The following SND1 variants were observed in gnomAD, a reference collection of about 807,000 sequenced individuals.
SND1 encodes the protein staphylococcal nuclease and tudor domain containing 1.
A neutral mutation model predicts 121.7 loss-of-function variants in SND1; 38 were observed. That is an observed-to-expected ratio of 0.31 (90% confidence interval 0.24 to 0.41). The LOEUF is 0.41. Among genes scored for constraint, SND1 ranks in the 10% least tolerant of loss-of-function variants. The probability of loss-of-function intolerance (pLI) is 1.00; values close to 1 mark genes in which losing one functional copy is unlikely to be tolerated. For synonymous variants in SND1, 401 were observed against 447.4 expected, an observed-to-expected ratio of 0.90 and a Z score of 1.31; for missense variants, 868 against 1,184.6, an observed-to-expected ratio of 0.73 and a Z score of 3.92.
chr7:127,911,534 T>C (rs1463892052), intron 14 of SND1, among the ~76,000 whole-genome samples: 1 of 151,936 alleles, frequency 6.6e-6, no homozygotes, highest in Non-Finnish European at 1.5e-5. Flanking sequence ...CTTTCTCTCT[T>C]TTGTTGAGAT....
At position 127,652,368 on chromosome 7, in the gene SND1, C is replaced by G. The variant is rs1795136185; in HGVS notation, c.-6C>G. On this transcript the variant is annotated 5_prime_UTR_variant, in exon 1 of 24. Coordinates refer to ENST00000354725, the MANE Select transcript of SND1 (RefSeq NM_014390.4). The stretch of plus-strand genomic sequence containing the variant: ...CGCTCCACTCGTTGCCTTTGCATCT[C>G]CACACATGGCGTCCTCCGCGCAGAG... 1.3e-6 allele frequency: 2 copies of G among 1,594,090 alleles called. No individual in the cohort carries two copies. The highest frequency in any genetic ancestry group is 1.8e-5 in the Admixed American group (1 of 56,594).
At chr7:127,733,082 A>G (rs1284831621) in intron 10 of SND1, among the ~76,000 whole-genome samples, 2 of 151,038 alleles carry the variant, frequency 1.3e-5, no homozygotes, top group African/African-American at 4.9e-5. Context: ...TCCATCTTTA[A>G]CTTTCTCTCT....
intron 10 of SND1, among the ~76,000 whole-genome samples, chr7:127,792,881 A>C (rs1359969339): frequency 6.6e-6 from 1 of 152,238 alleles, no homozygotes; most frequent in African/African-American, 2.4e-5. Flanking sequence ...AGCCACTGGC[A>C]GGAATAGGAA....
In SND1 at chr7:128,084,830, A is replaced by G. The variant is rs1408313163; in HGVS notation, c.2217A>G (p.Lys739=). The G allele has an allele frequency of 2.5e-6, 4 of 1,599,040 alleles. No homozygotes were observed. Among genetic ancestry groups the G allele is most frequent in the Non-Finnish European group, 3.4e-6 (4 of 1,169,734 alleles). Residue 739 remains lysine, a synonymous_variant, in exon 19 of 24, where the codon AAA becomes AAG. Coordinates refer to ENST00000354725, the MANE Select transcript of SND1 (RefSeq NM_014390.4). Reference sequence around the variant, plus strand: ...GCAGGGGAGAGTTCTGCATTGCCAAATTTGTAGATGGAGAATGGTAAGCCA... The same window carrying G: ...GCAGGGGAGAGTTCTGCATTGCCAAGTTTGTAGATGGAGAATGGTAAGCCA... ...APRRGEFCIA[K]FVDGEWYRAR... is the part of the protein sequence containing the mutation.
chr7:127,694,657 A>G, intron 2 of SND1, 171 bp from the exon 3 acceptor site: 1 of 699,760 alleles, frequency 1.4e-6, no homozygotes, highest in East Asian at 2.7e-5. Context: ...TGAGCCCCCT[A>G]AGTGTGCGAT....
intron 9 of SND1, among the ~76,000 whole-genome samples, chr7:127,716,689 T>A (rs1047202432): frequency 6.6e-6 from 1 of 152,234 alleles, no homozygotes; most frequent in Non-Finnish European, 1.5e-5. Flanking sequence ...TTGTTTCTTT[T>A]TCTTGCTGAA....
intron 16 of SND1, among the ~76,000 whole-genome samples, chr7:128,053,313 T>G (rs1009068327): frequency 2.0e-5 from 3 of 152,196 alleles, no homozygotes; most frequent in Non-Finnish European, 4.4e-5. Context: ...AAGAAGCCCC[T>G]CTCTAGCCTC....
At chr7:127,868,962 G>A (rs1161042807) in intron 12 of SND1, among the ~76,000 whole-genome samples, 1 of 151,998 alleles carries the variant, frequency 6.6e-6, no homozygotes, top group Non-Finnish European at 1.5e-5. Context: ...GCATATGATA[G>A]AGAGATCTAT....
chr7:127,733,600 TTAGA>T (rs1202091923), intron 10 of SND1, among the ~76,000 whole-genome samples: 1 of 152,200 alleles, frequency 6.6e-6, no homozygotes, highest in Non-Finnish European at 1.5e-5. Flanking sequence ...TTGTTAACTG[TTAGA>T]TAGATTCACT....
intron 17 of SND1, among the ~76,000 whole-genome samples, chr7:128,076,068 T>C (rs982274801): frequency 2.0e-5 from 3 of 152,180 alleles, no homozygotes; most frequent in Non-Finnish European, 4.4e-5. Flanking sequence ...AGCATCTTCG[T>C]CCTTGCCCTG....
chr7:127,874,845 A>G (rs1294450940), intron 12 of SND1, among the ~76,000 whole-genome samples: 5 of 152,148 alleles, frequency 3.3e-5, no homozygotes, highest in African/African-American at 1.2e-4. Context: ...AGAGTGCTCA[A>G]ATTTACAATA....
chr7:127,914,734 G>A (rs1414822556), intron 14 of SND1, among the ~76,000 whole-genome samples: 1 of 152,188 alleles, frequency 6.6e-6, no homozygotes, highest in Non-Finnish European at 1.5e-5. Context: ...GCAGCAGAAA[G>A]GGTGCATGTC....
intron 16 of SND1, among the ~76,000 whole-genome samples, chr7:128,056,167 TCTCTTC>T (rs1431136430): frequency 2.0e-4 from 30 of 152,242 alleles, no homozygotes; most frequent in African/African-American, 7.0e-4. Context: ...AAGTGTTAAT[TCTCTTC>T]CTCTTCCCTG....
At chr7:127,705,154 A>G (rs1796166477) in intron 8 of SND1, among the ~76,000 whole-genome samples, 1 of 152,232 alleles carries the variant, frequency 6.6e-6, no homozygotes, top group South Asian at 2.1e-4. Flanking sequence ...TACAGTTTTC[A>G]CTTAGACATT....
chr7:127,848,655 T>A (rs1374991490), intron 12 of SND1, among the ~76,000 whole-genome samples: 1 of 152,232 alleles, frequency 6.6e-6, no homozygotes, highest in African/African-American at 2.4e-5. Context: ...TTTCCTGTTA[T>A]TAAAGAGAAC....
At chr7:128,084,219 G>A (rs1451105487) in intron 18 of SND1, among the ~76,000 whole-genome samples, 1 of 152,178 alleles carries the variant, frequency 6.6e-6, no homozygotes, top group Non-Finnish European at 1.5e-5. Flanking sequence ...GTGGTGTGGG[G>A]CCCATCCTTC....
At chr7:127,828,402 CT>C (rs555139233) in intron 11 of SND1, among the ~76,000 whole-genome samples, 8 of 151,666 alleles carry the variant, frequency 5.3e-5, no homozygotes, top group African/African-American at 7.3e-5. Flanking sequence ...CATTCCTTTA[CT>C]TTTTTTTGAG....
At chr7:127,731,469 A>T (rs945738979) in intron 10 of SND1, among the ~76,000 whole-genome samples, 1 of 152,184 alleles carries the variant, frequency 6.6e-6, no homozygotes, top group Admixed American at 6.5e-5. Flanking sequence ...GAAAACATGC[A>T]GGGTTCCTCA....
intron 1 of SND1, among the ~76,000 whole-genome samples, chr7:127,668,547 T>C (rs1450132117): frequency 6.6e-6 from 1 of 152,216 alleles, no homozygotes; most frequent in Non-Finnish European, 1.5e-5. Flanking sequence ...AAAAAATAAG[T>C]ATTTTTTTGG....
Sources: allele counts gnomAD v4.1 joint callset (sites outside exome capture counted in the v4.1 genomes callset), GRCh38; gene constraint gnomAD v4.1.1; transcripts MANE v1.5; gene names NCBI Gene and HGNC (gene_info 2026-07-23, HGNC 2026-07-21).